The following FAM120B variants were observed in gnomAD, a reference collection of about 807,000 sequenced individuals.
FAM120B encodes family with sequence similarity 120 member B, also known as constitutive coactivator of peroxisome proliferator-activated receptor gamma.
FAM120B carries 83 observed loss-of-function variants against 96.3 expected under a neutral mutation model. That is an observed-to-expected ratio of 0.86 (90% CI 0.72 to 1.03). The LOEUF is 1.03. FAM120B is among the 50% of genes least tolerant of loss of function. The pLI is 0.00. For missense variants in FAM120B, 1,027 were observed against 1,121.2 expected (o/e 0.92, Z 1.20); for synonymous variants, 407 against 402.7 (o/e 1.01, Z -0.13).
Position 170,317,561 on chromosome 6 carries a change from T to G in FAM120B, c.171T>G (p.Ser57=). The G allele has an allele frequency of 6.2e-7, 1 of 1,614,214 alleles. No homozygotes were observed. The highest frequency in any genetic ancestry group is 8.5e-7 in the Non-Finnish European group (1 of 1,180,030). Residue 57 remains serine (S), a synonymous_variant, in exon 2 of 11, where the codon TCT becomes TCG. Transcript: ENST00000476287. ...TCAGATATTGGTATACTCCAGAATCTTGGATCTGCGGTGGCCAGTGGCGAG... is the reference window on the plus strand; with the variant it reads ...TCAGATATTGGTATACTCCAGAATCGTGGATCTGCGGTGGCCAGTGGCGAG... ...CCLRYWYTPE[S]WICGGQWREY...
At chr6:170,316,498 C>T (rs1293112418) in intron 1 of FAM120B, among the ~76,000 whole-genome samples, 5 of 152,198 alleles carry the variant, frequency 3.3e-5, no homozygotes, top group Non-Finnish European at 7.3e-5. Context: ...TGAAGAACGC[C>T]TTTTATAATG....
chr6:170,352,232 G>A (rs1787626894), intron 5 of FAM120B, among the ~76,000 whole-genome samples: 1 of 152,134 alleles, frequency 6.6e-6, no homozygotes. Flanking sequence ...AACAAGAAGA[G>A]CTAACTATCC....
chr6:170,387,494 TG>T (rs1303299120), intron 6 of FAM120B, among the ~76,000 whole-genome samples: 1 of 151,846 alleles, frequency 6.6e-6, no homozygotes, highest in Admixed American at 6.6e-5. Context: ...TCACTTTCCA[TG>T]GGGCCAGTGT....
chr6:170,346,210 T>C (rs553578812), intron 4 of FAM120B, among the ~76,000 whole-genome samples: 4 of 152,260 alleles, frequency 2.6e-5, no homozygotes, highest in African/African-American at 9.6e-5. Context: ...TATTAAATTT[T>C]CATGTGTAAG....
At chr6:170,341,497 G>C (rs1786825410) in intron 4 of FAM120B, among the ~76,000 whole-genome samples, 1 of 152,166 alleles carries the variant, frequency 6.6e-6, no homozygotes, top group Admixed American at 6.5e-5. Context: ...CTTTCCAGGG[G>C]AGTGACAGTT....
rs1272849943 is a variant in FAM120B at position 170,317,833 on chromosome 6, T to A, written c.443T>A (p.Leu148Gln). ...TTTACACGATTTGCTCTAAAGACAC[T>A]GGGCCAGGAAACTTTGTGTTCTTTG... ...AVFTRFALKT[L>Q]GQETLCSLQE... Residue 148 changes from leucine (L) to glutamine (Q), a missense_variant, in exon 2 of 11, where the codon CTG becomes CAG. By Grantham distance (113) the Leu-to-Gln change is moderately radical (BLOSUM62 -2). Around this residue, in one of 3 missense-constraint regions of FAM120B, gnomAD observed 880 missense variants for 980.9 expected, o/e 0.90. Coordinates refer to ENST00000476287, the MANE Select transcript of FAM120B (RefSeq NM_032448.3). 1 of 1,614,218 alleles carries A rather than the reference T, an allele frequency of 6.2e-7. No individual in the cohort carries two copies.
At position 170,404,893 on chromosome 6, in the gene FAM120B, C is replaced by T. The variant is rs1050502912; in HGVS notation, c.*142C>T. On this transcript the variant is annotated 3_prime_UTR_variant, in exon 11 of 11. Transcript: ENST00000476287. ...CGCTTGCATGAAGAAGGAACGATGC[C>T]TTTTTCAATGGTGTCTCCCTCCCAT... The T allele has an allele frequency of 7.5e-6, 3 of 400,500 alleles. No individual in the cohort carries two copies. The highest frequency in any genetic ancestry group is 6.1e-5 in the African/African-American group (3 of 48,890). 24.8% of individuals were successfully genotyped at this position (400,500 alleles called of 1,614,324 possible).
chr6:170,364,651 C>A (rs1475156952), intron 6 of FAM120B, among the ~76,000 whole-genome samples: 1 of 152,198 alleles, frequency 6.6e-6, no homozygotes, highest in Non-Finnish European at 1.5e-5. Context: ...TTGCAGAGCT[C>A]CCTCTGACAC....
At position 170,402,177 on chromosome 6, in the gene FAM120B, T is replaced by G. The variant is rs117154612; in HGVS notation, c.2693-2373T>G. The stretch of plus-strand genomic sequence containing the variant: ...CCCTGTTTGTGCGCCCTCTTAAATA[T>G]TAAATATTAAATCTAGTCTTGCTTT... On this transcript the variant is annotated intron_variant, in intron 9 of 10. Transcript: ENST00000476287. 3.3e-3 allele frequency among the ~76,000 whole-genome samples: 509 copies of G among 152,354 alleles called. 1 individual carries two copies. Among genetic ancestry groups the G allele is most frequent in the Middle Eastern group, 0.02 (6 of 294 alleles).
chr6:170,331,679 G>A (rs1206032665), intron 4 of FAM120B, among the ~76,000 whole-genome samples: 1 of 152,060 alleles, frequency 6.6e-6, no homozygotes, highest in Non-Finnish European at 1.5e-5. Context: ...TCTTTTCATT[G>A]TTTGAATTAA....
At chr6:170,317,054 A>C (rs1784945416) in intron 1 of FAM120B, among the ~76,000 whole-genome samples, 1 of 152,238 alleles carries the variant, frequency 6.6e-6, no homozygotes. Flanking sequence ...AAATACTACT[A>C]CTTTGAAAAC....
intron 6 of FAM120B, among the ~76,000 whole-genome samples, chr6:170,375,270 T>C (rs924665422): frequency 6.6e-6 from 1 of 152,232 alleles, no homozygotes; most frequent in Admixed American, 6.5e-5. Context: ...ACACAGCACA[T>C]AGGCAACAGG....
intron 4 of FAM120B, among the ~76,000 whole-genome samples, chr6:170,335,203 C>G: frequency 6.6e-6 from 1 of 151,906 alleles, no homozygotes. Flanking sequence ...GCTGCCCCTC[C>G]CCTTGCCCCC....
intron 6 of FAM120B, among the ~76,000 whole-genome samples, chr6:170,387,400 C>G (rs1398377707): frequency 2.0e-5 from 3 of 152,134 alleles, no homozygotes; most frequent in Non-Finnish European, 4.4e-5. Flanking sequence ...TTAATTTGAG[C>G]TACATAGATA....
intron 4 of FAM120B, among the ~76,000 whole-genome samples, chr6:170,342,079 T>G (rs541865465): frequency 2.0e-5 from 3 of 152,298 alleles, no homozygotes; most frequent in South Asian, 4.1e-4. Flanking sequence ...AGTCCAGTGT[T>G]TGAGGGCAGG....
upstream of FAM120B, chr6:170,290,953 T>C (rs1027302180): frequency 1.1e-5 from 8 of 699,900 alleles, no homozygotes; most frequent in African/African-American, 1.2e-4. This position sits in a 1 kb window ranked among gnomAD's most constrained non-coding sequence, Gnocchi z 4.7. Flanking sequence ...CCTGCCGCCC[T>C]TATATTCAGC....
rs143912062 is a variant in FAM120B at position 170,297,172 on chromosome 6, G to A, written c.48+1719G>A. Among the ~76,000 whole-genome samples the A allele has an allele frequency of 2.7e-3, 416 of 152,376 alleles. 1 individual carries two copies. The highest frequency in any genetic ancestry group is 9.5e-3 in the African/African-American group (394 of 41,594). On this transcript the variant is annotated intron_variant, in intron 1 of 10. Coordinates refer to the FAM120B transcript ENST00000537664. The stretch of plus-strand genomic sequence containing the variant: ...CTGGGCCTGTCTGGCTGCAGGGTTG[G>A]TTGGCCGTGGGCGTGTGCGGCTCAG...
chr6:170,312,581 T>G (rs1043685535), intron 1 of FAM120B, among the ~76,000 whole-genome samples: 9 of 152,232 alleles, frequency 5.9e-5, no homozygotes, highest in African/African-American at 2.2e-4. Flanking sequence ...CCACTTCCCC[T>G]GTGACATCAG....
At chr6:170,295,096 C>A (rs1182670656), upstream of FAM120B, among the ~76,000 whole-genome samples, 2 of 152,246 alleles carry the variant, frequency 1.3e-5, no homozygotes, top group Admixed American at 1.3e-4. This position sits in a 1 kb window ranked among gnomAD's most constrained non-coding sequence, Gnocchi z 7.8. Flanking sequence ...AAGCAGTTAA[C>A]GTAGCAGAGG....
Sources: allele counts gnomAD v4.1 joint callset (sites outside exome capture counted in the v4.1 genomes callset), GRCh38; gene constraint gnomAD v4.1.1; regional missense constraint gnomAD v4.1.1; non-coding constraint Gnocchi (gnomAD v3.1); transcripts MANE v1.5; gene names NCBI Gene and HGNC (gene_info 2026-07-23, HGNC 2026-07-21).